Variants in RGS3 observed in about 807,000 individuals in gnomAD.
The protein encoded by RGS3 is regulator of G protein signaling 3.
In RGS3, 80 loss-of-function variants were observed where a neutral mutation model predicts 132.6. That is an observed-to-expected ratio of 0.60 (90% CI 0.50 to 0.73). The LOEUF is 0.73. RGS3 is among the 30% of genes least tolerant of loss of function. The probability of loss-of-function intolerance (pLI) is 0.00; values close to 1 mark genes in which losing one functional copy is unlikely to be tolerated. For synonymous variants in RGS3, 598 were observed against 620.6 expected (o/e 0.96, Z 0.54); for missense variants, 1,382 against 1,530.8 (o/e 0.90, Z 1.62).
chr9:113,541,781 C>T, intron 19 of RGS3: 1 of 1,007,364 alleles, frequency 9.9e-7, no homozygotes, highest in Non-Finnish European at 1.2e-6. Flanking sequence ...AGAGGTCACC[C>T]TGATGAAGAA....
At chr9:113,562,988 T>A (rs1444499025) in intron 19 of RGS3, among the ~76,000 whole-genome samples, 1 of 152,190 alleles carries the variant, frequency 6.6e-6, no homozygotes. Flanking sequence ...CCAGCCCTGT[T>A]GATTTGTGTC....
chr9:113,485,959 G>C lies in RGS3; in HGVS notation c.689+266G>C, dbSNP rs988653768. 3.3e-5 allele frequency among the ~76,000 whole-genome samples: 5 copies of C among 152,196 alleles called. No homozygotes were observed. The East Asian group carries it at 9.6e-4, about 29-fold the overall frequency. On this transcript the variant is annotated intron_variant, in intron 7 of 24. Transcript: ENST00000350696. ...TGGGGAAGCCGACCAGCCTACACAT[G>C]GAAATTTATTCTCAAGGTGTCCACT...
chr9:113,453,018 T>TTATATATAATATATAA (rs900620173), intron 1 of RGS3, among the ~76,000 whole-genome samples: 1 of 132,020 alleles, frequency 7.6e-6, no homozygotes, highest in African/African-American at 2.8e-5. Context: ...ATATTATATT[T>TTATATATAATATATAA]TATATATAAT....
intron 18 of RGS3, among the ~76,000 whole-genome samples, chr9:113,535,447 A>G (rs1468819679): frequency 1.3e-5 from 2 of 152,260 alleles, no homozygotes; most frequent in Non-Finnish European, 2.9e-5. Flanking sequence ...CTGGGATTAT[A>G]GGCATAAGCC....
At chr9:113,491,052 T>G (rs1221709922) in intron 7 of RGS3, among the ~76,000 whole-genome samples, 2 of 109,038 alleles carry the variant, frequency 1.8e-5, no homozygotes, top group Non-Finnish European at 3.7e-5. Flanking sequence ...TATATATAAC[T>G]TAATTATAAT....
chr9:113,477,139 G>A (rs1017278673), intron 3 of RGS3, among the ~76,000 whole-genome samples: 2 of 152,094 alleles, frequency 1.3e-5, no homozygotes, highest in African/African-American at 4.8e-5. Context: ...TAATGATACC[G>A]TCAGTTCTCC....
At chr9:113,499,336 T>C (rs1830792634) in intron 10 of RGS3, among the ~76,000 whole-genome samples, 1 of 152,086 alleles carries the variant, frequency 6.6e-6, no homozygotes, top group Non-Finnish European at 1.5e-5. Flanking sequence ...CAGCTGTTAC[T>C]TCCGCATCTC....
chr9:113,454,003 A>T (rs1010003718), intron 1 of RGS3, among the ~76,000 whole-genome samples: 1 of 152,024 alleles, frequency 6.6e-6, no homozygotes, highest in Non-Finnish European at 1.5e-5. Context: ...GTTTTTGTAA[A>T]GATGGGGTCT....
In RGS3 at chr9:113,475,448, C is replaced by T. The variant is rs527322808; in HGVS notation, c.416-4043C>T. 1.1e-4 allele frequency among the ~76,000 whole-genome samples: 17 copies of T among 152,274 alleles called. No homozygotes were observed. The East Asian group carries it at 3.1e-3, about 28-fold the overall frequency. ...TGAGACAGGGTCTGGCTCTATCATCCAGGCTGGAGTACAGTCGTGCAATCA... is the reference window on the plus strand; with the variant it reads ...TGAGACAGGGTCTGGCTCTATCATCTAGGCTGGAGTACAGTCGTGCAATCA... On this transcript the variant is annotated intron_variant, in intron 3 of 24. Coordinates refer to ENST00000350696, the Ensembl canonical transcript of RGS3.
chr9:113,573,109 T>C (rs78201771), intron 19 of RGS3, among the ~76,000 whole-genome samples: 2,447 of 152,296 alleles, frequency 0.016, 29 homozygotes, highest in Non-Finnish European at 0.026. Context: ...AGTATTCACA[T>C]TGCCATTTTA....
At chr9:113,585,338 C>G (rs1489058913) in intron 20 of RGS3, among the ~76,000 whole-genome samples, 6 of 152,250 alleles carry the variant, frequency 3.9e-5, no homozygotes, top group Admixed American at 3.9e-4. Context: ...TAATAGCACT[C>G]ACATCCCAGA....
chr9:113,515,406 G>A (rs922844242), intron 15 of RGS3, among the ~76,000 whole-genome samples: 23 of 152,036 alleles, frequency 1.5e-4, no homozygotes, highest in Non-Finnish European at 2.2e-4. Context: ...CCTAGGTGGT[G>A]GATCACTTGA....
At chr9:113,570,151 G>C (rs940288930) in intron 19 of RGS3, 2 of 152,136 alleles carry the variant, frequency 1.3e-5, no homozygotes, top group Non-Finnish European at 2.9e-5. Flanking sequence ...TAGCCTCCTC[G>C]AGTTAAATGA....
intron 19 of RGS3, among the ~76,000 whole-genome samples, chr9:113,568,754 A>T (rs2118869164): frequency 6.6e-6 from 1 of 152,364 alleles, no homozygotes; most frequent in South Asian, 2.1e-4. Context: ...AAGGCTGCTT[A>T]TGGCTCAGCC....
intron 19 of RGS3, among the ~76,000 whole-genome samples, chr9:113,562,517 A>G (rs949573187): frequency 2.6e-5 from 4 of 151,598 alleles, no homozygotes; most frequent in Non-Finnish European, 2.9e-5. Flanking sequence ...TGATAGGGCT[A>G]TGAGGATTCA....
intron 19 of RGS3, among the ~76,000 whole-genome samples, chr9:113,544,503 T>C (rs1292940976): frequency 2.0e-5 from 3 of 152,240 alleles, no homozygotes; most frequent in African/African-American, 7.2e-5. Context: ...CCATAAATTC[T>C]ATTACCAAAG....
chr9:113,479,189 C>T (rs1025857916), intron 3 of RGS3: 31 of 394,478 alleles, frequency 7.9e-5, no homozygotes, highest in Middle Eastern at 1.4e-3. Context: ...CATTTGACAA[C>T]GACCCAGCAG....
rs1416537361 is a variant in RGS3 at position 113,579,151 on chromosome 9, C to T, written c.2038-4299C>T. On this transcript the variant is annotated intron_variant, in intron 19 of 24. Transcript: ENST00000350696. The surrounding 1 kb of genome is among the most constrained non-coding windows in gnomAD (Gnocchi z 4.3). ...ATCCGTGGTGGCTGTGATGAATCAT[C>T]GGAGTGAGAGCTGCAGGTTGTCCCT... 2.0e-5 allele frequency among the ~76,000 whole-genome samples: 3 copies of T among 152,278 alleles called. No individual in the cohort carries two copies. Among genetic ancestry groups the T allele is most frequent in the East Asian group, 1.9e-4 (1 of 5,180 alleles).
intron 3 of RGS3, among the ~76,000 whole-genome samples, chr9:113,474,671 A>G (rs1363017318): frequency 6.6e-6 from 1 of 152,142 alleles, no homozygotes; most frequent in Non-Finnish European, 1.5e-5. Flanking sequence ...AACTGCCTTC[A>G]TATGTTTGTC....
Sources: gnomAD v4.1 joint callset for allele counts (sites outside exome capture counted in the v4.1 genomes callset) on GRCh38, gnomAD v4.1.1 for gene constraint, Gnocchi (gnomAD v3.1) non-coding constraint, MANE v1.5 for transcripts, NCBI Gene and HGNC (gene_info 2026-07-23, HGNC 2026-07-21) for gene names.